ACSM1: variants seen among roughly 807,000 people sequenced by gnomAD.
ACSM1 encodes acyl-CoA synthetase medium chain family member 1, also known as acyl-coenzyme A synthetase ACSM1, mitochondrial.
A neutral mutation model predicts 75.8 loss-of-function variants in ACSM1; 79 were observed. The observed-to-expected ratio is 1.04, with a 90% confidence interval of 0.87 to 1.26. The LOEUF (loss-of-function observed/expected upper bound fraction) is 1.26, where lower values mean the gene tolerates loss of function less well. Ranked by LOEUF, ACSM1 falls within the 50% of genes most tolerant of loss-of-function variation. The probability of loss-of-function intolerance (pLI) is 0.00; values close to 1 mark genes in which losing one functional copy is unlikely to be tolerated. For synonymous variants in ACSM1, 279 were observed against 265.8 expected, an observed-to-expected ratio of 1.05 and a Z score of -0.48; for missense variants, 676 against 720.1, an observed-to-expected ratio of 0.94 and a Z score of 0.70.
intron 7 of ACSM1, among the ~76,000 whole-genome samples, chr16:20,653,262 TAA>T (rs1455194362): frequency 6.6e-6 from 1 of 152,112 alleles, no homozygotes; most frequent in Non-Finnish European, 1.5e-5. Context: ...CTCAAAATAA[TAA>T]GAGCTATTTA....
At position 20,623,268 on chromosome 16, in the gene ACSM1, G is replaced by C. The variant is rs1026612948; in HGVS notation, c.*218C>G. 18 of 528,214 alleles carry C rather than the reference G, an allele frequency of 3.4e-5. No homozygotes were observed. The highest frequency in any genetic ancestry group is 3.1e-4 in the African/African-American group (16 of 52,082). The allele number at this position is 528,214 out of a possible 1,614,324, so 32.7% of individuals were successfully genotyped here. A position where few individuals can be genotyped will look rare whatever the true frequency, so the allele number is the denominator to read the frequency against. On this transcript the variant is annotated 3_prime_UTR_variant, in exon 14 of 14. Coordinates refer to ENST00000520010, the MANE Select transcript of ACSM1 (RefSeq NM_001318890.3). ...ATCAGTATTTTATTACTTGCGTTAT[G>C]AGTGCTCACCTGGGAAATTCTAAAG... is the stretch of plus-strand genomic sequence containing the variant.
At chr16:20,631,686 T>TA (rs1399199028) in intron 10 of ACSM1, among the ~76,000 whole-genome samples, 1 of 152,148 alleles carries the variant, frequency 6.6e-6, no homozygotes. Context: ...TATTAAGCCA[T>TA]AAAAAGCTGT....
At chr16:20,656,247 C>T (rs1189881377) in intron 7 of ACSM1, among the ~76,000 whole-genome samples, 1 of 152,030 alleles carries the variant, frequency 6.6e-6, no homozygotes, top group Non-Finnish European at 1.5e-5. Flanking sequence ...TATTTCACTT[C>T]CAAACTACAT....
At chr16:20,681,345 A>C (rs933040530) in intron 4 of ACSM1, 11 of 152,256 alleles carry the variant, frequency 7.2e-5, no homozygotes, top group Admixed American at 5.2e-4. Context: ...GAAATTGCTA[A>C]TAATGGCCGG....
At chr16:20,636,406 G>A (rs955841099) in intron 10 of ACSM1, among the ~76,000 whole-genome samples, 5 of 152,138 alleles carry the variant, frequency 3.3e-5, no homozygotes, top group Admixed American at 2.0e-4. Flanking sequence ...GAGGCTCAGC[G>A]AGGATAAGTG....
intron 7 of ACSM1, among the ~76,000 whole-genome samples, chr16:20,656,901 A>T (rs1261693770): frequency 6.6e-6 from 1 of 151,966 alleles, no homozygotes; most frequent in Non-Finnish European, 1.5e-5. Context: ...AGGTTACAAA[A>T]AAAAAAAAAA....
At chr16:20,691,778 TG>T in intron 1 of ACSM1, among the ~76,000 whole-genome samples, 2 of 150,912 alleles carry the variant, frequency 1.3e-5, no homozygotes, top group African/African-American at 4.9e-5. Flanking sequence ...TGTGTGTGTG[TG>T]TGTGTGTGTG....
intron 10 of ACSM1, among the ~76,000 whole-genome samples, chr16:20,632,237 G>A (rs1471501793): frequency 6.6e-6 from 1 of 152,046 alleles, no homozygotes; most frequent in Non-Finnish European, 1.5e-5. Context: ...AAAGATTAGA[G>A]TTCATATAAA....
chr16:20,690,459 AG>A (rs1263038714), intron 2 of ACSM1, among the ~76,000 whole-genome samples: 4 of 152,234 alleles, frequency 2.6e-5, no homozygotes, highest in African/African-American at 9.6e-5. Context: ...TTAAAGCCAC[AG>A]TCAAGTAGGT....
intron 7 of ACSM1, among the ~76,000 whole-genome samples, chr16:20,660,531 G>A (rs576009888): frequency 6.6e-6 from 1 of 152,312 alleles, no homozygotes; most frequent in East Asian, 1.9e-4. Context: ...GTTATGCCAT[G>A]ATAAGATGTG....
intron 4 of ACSM1, among the ~76,000 whole-genome samples, chr16:20,675,574 T>C (rs1247969594): frequency 6.6e-6 from 1 of 152,130 alleles, no homozygotes; most frequent in African/African-American, 2.4e-5. Flanking sequence ...TTGGAGTGCA[T>C]GATAAAGAAT....
chr16:20,656,380 A>G lies in ACSM1; in HGVS notation c.992+5414T>C, dbSNP rs189982324. ...ATCTGTGGTAAAAATTTAATTTGGT[A>G]AATTTAATCTCAAAATTCTCCAGTA... On this transcript the variant is annotated intron_variant, in intron 7 of 13. Coordinates refer to ENST00000520010, the MANE Select transcript of ACSM1 (RefSeq NM_001318890.3). 7.2e-5 allele frequency among the ~76,000 whole-genome samples: 11 copies of G among 152,320 alleles called. No homozygotes were observed. In the East Asian group the frequency reaches 1.9e-3, roughly 27 times the overall value.
chr16:20,650,816 A>C (rs1208495313), intron 7 of ACSM1, among the ~76,000 whole-genome samples: 2 of 152,180 alleles, frequency 1.3e-5, no homozygotes, highest in African/African-American at 2.4e-5. Context: ...CTTTGTGCAC[A>C]TTTACATTAA....
chr16:20,676,766 G>C (rs1378123561), intron 4 of ACSM1, among the ~76,000 whole-genome samples: 4 of 152,158 alleles, frequency 2.6e-5, no homozygotes, highest in African/African-American at 9.7e-5. Context: ...GCCAAGGCTA[G>C]AGAGAGATTA....
chr16:20,644,538 AACACACACACACACAC>A (rs56275246), intron 7 of ACSM1, among the ~76,000 whole-genome samples: 48 of 145,116 alleles, frequency 3.3e-4, no homozygotes, highest in East Asian at 3.3e-3. Context: ...GTGATTGAGG[AACACACACACACACAC>A]ACACACACAC....
chr16:20,649,153 T>A (rs1009955128), intron 7 of ACSM1, among the ~76,000 whole-genome samples: 1 of 150,628 alleles, frequency 6.6e-6, no homozygotes, highest in Non-Finnish European at 1.5e-5. Context: ...TCACAGAATG[T>A]TGGTAGTGAG....
chr16:20,631,633 T>C (rs163244), intron 10 of ACSM1, among the ~76,000 whole-genome samples: 72,274 of 152,128 alleles, frequency 0.48, 20,101 homozygotes, highest in East Asian at 0.86. Context: ...CATCAACCAA[T>C]GAGTGGATAC....
chr16:20,655,020 T>C (rs2018869385), intron 7 of ACSM1, among the ~76,000 whole-genome samples: 1 of 151,976 alleles, frequency 6.6e-6, no homozygotes, highest in African/African-American at 2.4e-5. Flanking sequence ...AATGATAGAC[T>C]GGATTAAGAA....
intron 7 of ACSM1, among the ~76,000 whole-genome samples, chr16:20,654,226 C>T (rs163261): frequency 0.19 from 28,686 of 151,868 alleles, 3,935 homozygotes; most frequent in African/African-American, 0.39. Flanking sequence ...AACTGGATCC[C>T]TTCCCCTTAT....
Sources: gnomAD v4.1 joint callset for allele counts (sites outside exome capture counted in the v4.1 genomes callset) on GRCh38, gnomAD v4.1.1 for gene constraint, MANE v1.5 for transcripts, NCBI Gene and HGNC (gene_info 2026-07-23, HGNC 2026-07-21) for gene names.